Variants in FAM83A observed in about 807,000 individuals in gnomAD.
The protein encoded by FAM83A is scaffolding CK1 anchoring protein A, also known as protein FAM83A.
Under a neutral mutation model 24.4 loss-of-function variants are expected in FAM83A, and 21 were observed. The observed-to-expected ratio is 0.86, with a 90% CI of 0.61 to 1.24. The LOEUF is 1.24. Ranked by LOEUF, FAM83A falls within the 50% of genes most tolerant of loss-of-function variation. The probability of loss-of-function intolerance (pLI) is 0.00; values close to 1 mark genes in which losing one functional copy is unlikely to be tolerated. For missense variants in FAM83A, 617 were observed against 579.8 expected (o/e 1.06, Z -0.66); for synonymous variants, 270 against 252.4 (o/e 1.07, Z -0.66).
At position 123,190,179 on chromosome 8, in the gene FAM83A, G is replaced by C. The variant is rs186538036; in HGVS notation, c.481-1624G>C. ...CCATGTCTACAGAAAAAAAATGAAA[G>C]AGAGAGAGGAAGAAAAGAAAGAAAA... On this transcript the variant is annotated intron_variant, in intron 1 of 3. Transcript: ENST00000690554. Among the ~76,000 whole-genome samples, 636 of 151,736 alleles carry C rather than the reference G, an allele frequency of 4.2e-3. 6 individuals carry two copies. Among genetic ancestry groups the C allele is most frequent in the African/African-American group, 0.015 (605 of 41,372 alleles).
intron 3 of FAM83A, among the ~76,000 whole-genome samples, chr8:123,199,533 G>A (rs1238190268): frequency 2.0e-5 from 3 of 152,102 alleles, no homozygotes; most frequent in Admixed American, 6.5e-5. Flanking sequence ...TCAGGAGTTC[G>A]AGACCAGCCA....
chr8:123,193,338 C>T (rs1824042747), intron 2 of FAM83A, among the ~76,000 whole-genome samples: 1 of 152,222 alleles, frequency 6.6e-6, no homozygotes, highest in Admixed American at 6.5e-5. Flanking sequence ...GGCTTGCCTC[C>T]AAGTAACTGC....
At chr8:123,204,012 G>A (rs1824456372) in intron 3 of FAM83A, among the ~76,000 whole-genome samples, 1 of 150,366 alleles carries the variant, frequency 6.7e-6, no homozygotes, top group South Asian at 2.1e-4. Context: ...AAAAAGGAAA[G>A]CAAGGGCGTT....
At position 123,207,504 on chromosome 8, in the gene FAM83A, G is replaced by GC. The variant is rs1194958624; in HGVS notation, c.1124dup (p.Trp376LeufsTer171). On this transcript the variant is annotated frameshift_variant, in exon 4 of 4. Transcript: ENST00000690554. LOFTEE classifies it low-confidence loss of function (END_TRUNC). ...CCGCCCCGGTTCCAGCCCCACCAAGGCCCTTGGGGAGCCCCGAGTCCCCAG... is the reference window on the plus strand; with the variant it reads ...CCGCCCCGGTTCCAGCCCCACCAAGGCCCCTTGGGGAGCCCCGAGTCCCCAG... The GC allele has an allele frequency of 1.3e-6, 2 of 1,576,780 alleles. No individual in the cohort carries two copies. Among genetic ancestry groups the GC allele is most frequent in the Non-Finnish European group, 1.7e-6 (2 of 1,166,332 alleles).
At chr8:123,183,275 A>G in exon 1 of FAM83A, 1 of 1,613,264 alleles carries the variant, frequency 6.2e-7, no homozygotes, top group South Asian at 1.1e-5. Flanking sequence ...GTGTACTTCC[A>G]GACCGTCAAG....
chr8:123,194,096 C>G, exon 3 of FAM83A: 1 of 1,614,134 alleles, frequency 6.2e-7, no homozygotes, highest in South Asian at 1.1e-5. Context: ...TGGCCAAATC[C>G]GGGAGAAGTT....
intron 3 of FAM83A, chr8:123,202,230 T>C: frequency 6.5e-6 from 1 of 152,744 alleles, no homozygotes. Flanking sequence ...CTCAGTAGGA[T>C]CCCCCCACTC....
At chr8:123,210,066 G>C (rs1824685909) in exon 4 of FAM83A, 1 of 157,576 alleles carries the variant, frequency 6.3e-6, no homozygotes, top group Non-Finnish European at 1.4e-5. Flanking sequence ...ATAAACCTTT[G>C]TTGTTTAAGC....
At position 123,209,366 on chromosome 8, in the gene FAM83A, T is replaced by TTTA. The variant is rs371810691; in HGVS notation, c.*1697_*1699dup. The TTTA allele has an allele frequency of 1.8e-4, 261 of 1,468,844 alleles. 1 individual carries two copies. In the Middle Eastern group the frequency reaches 2.4e-3, roughly 13 times the overall value. 91.0% of individuals were successfully genotyped at this position (1,468,844 alleles called of 1,614,324 possible). A position where few individuals can be genotyped will look rare whatever the true frequency, so the allele number is the denominator to read the frequency against. On this transcript the variant is annotated 3_prime_UTR_variant, in exon 4 of 4. Coordinates refer to ENST00000690554, the Ensembl canonical transcript of FAM83A. This position sits in a 1 kb window ranked among gnomAD's most constrained non-coding sequence, Gnocchi z 4.7. ...TGGGGCATCTTGGCTTCTGGTTTCTTTTATTATTATTATTATTATTAATTA... is the reference window on the plus strand; with the variant it reads ...TGGGGCATCTTGGCTTCTGGTTTCTTTTATTATTATTATTATTATTATTAATTA...
At chr8:123,205,886 T>C (rs1384088145) in intron 3 of FAM83A, among the ~76,000 whole-genome samples, 1 of 152,182 alleles carries the variant, frequency 6.6e-6, no homozygotes, top group Non-Finnish European at 1.5e-5. Flanking sequence ...GGCTCACGCC[T>C]GTAATCCCAG....
chr8:123,181,115 T>A (rs1035256676), upstream of FAM83A, among the ~76,000 whole-genome samples: 9 of 151,966 alleles, frequency 5.9e-5, no homozygotes, highest in African/African-American at 2.2e-4. Flanking sequence ...CCCGGCTAAT[T>A]TTTGTATTTT....
rs765746335 is a variant in FAM83A, at chr8:123,183,343, A to T, written c.480+7A>T. On this transcript the variant is annotated splice_region_variant and intron_variant, in intron 1 of 3. Coordinates refer to ENST00000690554, the Ensembl canonical transcript of FAM83A. Reference sequence around the variant, plus strand: ...CATCACCCGGACTAGCCAGGTACCGATGGCAAAGCCCCTGTCTCCGTGGCC... The same window carrying T: ...CATCACCCGGACTAGCCAGGTACCGTTGGCAAAGCCCCTGTCTCCGTGGCC... The T allele has an allele frequency of 6.2e-7, 1 of 1,604,642 alleles. No homozygotes were observed. Among genetic ancestry groups the T allele is most frequent in the Non-Finnish European group, 8.5e-7 (1 of 1,174,218 alleles).
rs540468142 is a variant in FAM83A at position 123,190,946 on chromosome 8, G to C, written c.481-857G>C. On this transcript the variant is annotated intron_variant, in intron 1 of 3. Transcript: ENST00000690554. ...TCCCAGGAGTCCCAGCTAAAGTCCT[G>C]GGCTGACTCTTATTAGAATAACTTA... 1.8e-4 allele frequency among the ~76,000 whole-genome samples: 27 copies of C among 152,308 alleles called. No homozygotes were observed. In the South Asian group the frequency reaches 5.6e-3, roughly 32 times the overall value.
chr8:123,199,694 A>C (rs1824283157), intron 3 of FAM83A, among the ~76,000 whole-genome samples: 1 of 152,122 alleles, frequency 6.6e-6, no homozygotes, highest in South Asian at 2.1e-4. Context: ...AGATTGCACC[A>C]TTGCACTCCA....
chr8:123,198,500 G>A (rs1202608662), intron 3 of FAM83A, among the ~76,000 whole-genome samples: 3 of 152,210 alleles, frequency 2.0e-5, no homozygotes, highest in South Asian at 2.1e-4. Flanking sequence ...TCAGAACTGC[G>A]CTAGGAGTGG....
At chr8:123,197,821 G>A (rs1428232739) in intron 3 of FAM83A, among the ~76,000 whole-genome samples, 3 of 152,142 alleles carry the variant, frequency 2.0e-5, no homozygotes, top group Non-Finnish European at 4.4e-5. Flanking sequence ...TAGCCCCAAA[G>A]CACATGATAC....
At chr8:123,185,879 C>T (rs1180710557) in intron 1 of FAM83A, among the ~76,000 whole-genome samples, 1 of 152,162 alleles carries the variant, frequency 6.6e-6, no homozygotes, top group African/African-American at 2.4e-5. Context: ...CAACCTCTGC[C>T]CCCCAGATTC....
intron 1 of FAM83A, among the ~76,000 whole-genome samples, chr8:123,185,320 C>G (rs1330897993): frequency 6.6e-6 from 1 of 152,144 alleles, no homozygotes; most frequent in African/African-American, 2.4e-5. Context: ...GGGTGGGGAC[C>G]AATGCTGTTG....
At chr8:123,181,796 C>T (rs914153185), upstream of FAM83A, 21 of 313,556 alleles carry the variant, frequency 6.7e-5, no homozygotes, top group Middle Eastern at 9.5e-4. Context: ...CTTCCCTTCC[C>T]GTTTCTCTTC....
Sources: gnomAD v4.1 joint callset for allele counts (sites outside exome capture counted in the v4.1 genomes callset) on GRCh38, gnomAD v4.1.1 for gene constraint, Gnocchi (gnomAD v3.1) non-coding constraint, MANE v1.5 for transcripts, NCBI Gene and HGNC (gene_info 2026-07-23, HGNC 2026-07-21) for gene names.